Variants in SMIM10L3 observed in about 807,000 individuals in gnomAD.
The protein encoded by SMIM10L3 is salivary gland specific protein SAGSIN1.
the SMIM10L3 span, among the ~76,000 whole-genome samples, chr7:6,341,710 A>G: frequency 6.7e-6 from 1 of 149,844 alleles, no homozygotes; most frequent in African/African-American, 2.4e-5. Flanking sequence ...AAAAATTATG[A>G]GTGCGCGCCA....
the SMIM10L3 span, among the ~76,000 whole-genome samples, chr7:6,338,341 G>A: frequency 6.6e-6 from 1 of 151,780 alleles, no homozygotes; most frequent in East Asian, 1.9e-4. Flanking sequence ...AGCTCTTTTT[G>A]GCCTCCTCAT....
At chr7:6,330,287 TGCACAGTTTGCATCCA>T in the SMIM10L3 span, 6 of 1,276,590 alleles carry the variant, frequency 4.7e-6, no homozygotes, top group Non-Finnish European at 6.5e-6. Flanking sequence ...ACCTAAGGGC[TGCACAGTTTGCATCCA>T]GACTTAATGC....
the SMIM10L3 span, chr7:6,330,749 T>C: frequency 1.2e-6 from 2 of 1,614,140 alleles, no homozygotes. Context: ...TCAGTGGCCC[T>C]GGGCCCTCCT....
the SMIM10L3 span, among the ~76,000 whole-genome samples, chr7:6,334,658 G>A: frequency 2.6e-5 from 4 of 151,922 alleles, no homozygotes; most frequent in South Asian, 6.2e-4. Context: ...GTAGAGATGG[G>A]GTTCCACGAG....
At chr7:6,337,794 A>ATTATTTATTTATTTATTTAT in the SMIM10L3 span, among the ~76,000 whole-genome samples, 40 of 150,456 alleles carry the variant, frequency 2.7e-4, no homozygotes, top group Non-Finnish European at 5.2e-4. Context: ...ATTTCAATAC[A>ATTATTTATTTATTTATTTAT]TTATTTATTT....
At chr7:6,332,417 A>G in the SMIM10L3 span, among the ~76,000 whole-genome samples, 2 of 152,170 alleles carry the variant, frequency 1.3e-5, no homozygotes, top group African/African-American at 4.8e-5. Context: ...CTCACTTTTG[A>G]GTGTTGTCTG....
chr7:6,347,144 T>C, the SMIM10L3 span, among the ~76,000 whole-genome samples: 1 of 152,108 alleles, frequency 6.6e-6, no homozygotes, highest in African/African-American at 2.4e-5. Flanking sequence ...CTTGGCAACA[T>C]GGGAAGACCC....
chr7:6,347,928 G>A, the SMIM10L3 span, among the ~76,000 whole-genome samples: 3 of 91,192 alleles, frequency 3.3e-5, no homozygotes, highest in Admixed American at 1.1e-4. Context: ...TATTATTATT[G>A]AGATGGAGTT....
At chr7:6,331,224 C>G in the SMIM10L3 span, 1 of 1,459,136 alleles carries the variant, frequency 6.9e-7, no homozygotes, top group East Asian at 2.3e-5. Context: ...TTCAATGGAT[C>G]TCAATATGAA....
chr7:6,330,652 T>C, the SMIM10L3 span: 20 of 1,614,046 alleles, frequency 1.2e-5, 1 homozygote, highest in Middle Eastern at 9.9e-4. Context: ...TGGGTCATCC[T>C]GAAAACTTCC....
At chr7:6,336,085 A>G in the SMIM10L3 span, among the ~76,000 whole-genome samples, 2 of 151,386 alleles carry the variant, frequency 1.3e-5, no homozygotes, top group Non-Finnish European at 2.9e-5. Context: ...AGGCAGGACA[A>G]TCGTTTGAAC....
the SMIM10L3 span, chr7:6,330,943 C>G: frequency 6.2e-7 from 1 of 1,614,130 alleles, no homozygotes; most frequent in Non-Finnish European, 8.5e-7. Flanking sequence ...GAGGCCAGCC[C>G]CGCTCGGATC....
At chr7:6,344,790 G>C in the SMIM10L3 span, among the ~76,000 whole-genome samples, 16 of 152,180 alleles carry the variant, frequency 1.1e-4, no homozygotes, top group African/African-American at 3.9e-4. Flanking sequence ...GCCCAGGCTG[G>C]AGTGCAATGG....
At chr7:6,332,796 T>G in the SMIM10L3 span, among the ~76,000 whole-genome samples, 2 of 152,206 alleles carry the variant, frequency 1.3e-5, no homozygotes, top group East Asian at 3.8e-4. Context: ...GGTAGGAAAC[T>G]GCTGTTTCTC....
the SMIM10L3 span, among the ~76,000 whole-genome samples, chr7:6,334,164 G>A: frequency 6.6e-6 from 1 of 151,430 alleles, no homozygotes; most frequent in African/African-American, 2.4e-5. Context: ...GGTCTCTTAA[G>A]TGCTCCTCCC....
chr7:6,337,165 G>A, the SMIM10L3 span, among the ~76,000 whole-genome samples: 7 of 151,384 alleles, frequency 4.6e-5, no homozygotes, highest in Non-Finnish European at 7.4e-5. Flanking sequence ...TCTGCTTCCC[G>A]CACTCAAGCG....
chr7:6,344,671 G>A, the SMIM10L3 span, among the ~76,000 whole-genome samples: 105 of 151,842 alleles, frequency 6.9e-4, no homozygotes, highest in African/African-American at 2.5e-3. Flanking sequence ...CTCCCACCTT[G>A]GACTCCCAAA....
chr7:6,337,689 A>G, the SMIM10L3 span, among the ~76,000 whole-genome samples: 29 of 151,880 alleles, frequency 1.9e-4, no homozygotes, highest in African/African-American at 6.5e-4. Flanking sequence ...AATAAGGTAA[A>G]CATGTATTCA....
At chr7:6,340,257 A>G in the SMIM10L3 span, among the ~76,000 whole-genome samples, 2 of 152,140 alleles carry the variant, frequency 1.3e-5, no homozygotes, top group Non-Finnish European at 2.9e-5. Flanking sequence ...TTCTCTGACT[A>G]GCATCCTAAG....
Sources: gnomAD v4.1 joint callset for allele counts (sites outside exome capture counted in the v4.1 genomes callset) on GRCh38, gnomAD v4.1.1 for gene constraint, MANE v1.5 for transcripts, NCBI Gene and HGNC (gene_info 2026-07-23, HGNC 2026-07-21) for gene names.